PRH1: variants seen among roughly 807,000 people sequenced by gnomAD.
PRH1 encodes the protein salivary acidic proline-rich phosphoprotein 1/2.
A neutral mutation model predicts 7.9 loss-of-function variants in PRH1; 7 were observed. That is an observed-to-expected ratio of 0.89 (90% CI 0.50 to 1.67). The LOEUF (loss-of-function observed/expected upper bound fraction) is 1.67. Among genes scored for constraint, PRH1 ranks in the 40% most tolerant of loss-of-function variants. The probability of loss-of-function intolerance (pLI) is 0.00; values close to 1 mark genes in which losing one functional copy is unlikely to be tolerated. For synonymous variants in PRH1, 45 were observed against 80.8 expected (o/e 0.56, Z 2.38); for missense variants, 109 against 223.6 (o/e 0.49, Z 3.27).
At chr12:10,956,800 C>T (rs1176984240) in intron 2 of PRH1, among the ~76,000 whole-genome samples, 1 of 151,956 alleles carries the variant, frequency 6.6e-6, no homozygotes, top group Non-Finnish European at 1.5e-5. Flanking sequence ...ATCAAGAAGG[C>T]AATCCCTTTC....
chr12:11,144,099 T>G (rs1421700868), intron 1 of PRH1, among the ~76,000 whole-genome samples: 7 of 152,126 alleles, frequency 4.6e-5, no homozygotes, highest in Admixed American at 4.6e-4. Context: ...CCAGAAAGCA[T>G]CAGCTGTAGT....
At chr12:11,041,984 A>C (rs1565585108) in intron 1 of PRH1, among the ~76,000 whole-genome samples, 1 of 152,020 alleles carries the variant, frequency 6.6e-6, no homozygotes, top group East Asian at 1.9e-4. Flanking sequence ...AAACAATACT[A>C]AGAAGGAAAT....
At chr12:10,920,019 T>C (rs750535921) in intron 2 of PRH1, among the ~76,000 whole-genome samples, 52 of 151,922 alleles carry the variant, frequency 3.4e-4, no homozygotes, top group Admixed American at 5.9e-4. Flanking sequence ...CCTGTTTGAT[T>C]CTCTGTGTAG....
intron 1 of PRH1, among the ~76,000 whole-genome samples, chr12:11,060,588 T>A (rs1006092247): frequency 1.4e-4 from 21 of 152,116 alleles, no homozygotes; most frequent in African/African-American, 4.8e-4. Context: ...TAACTACATA[T>A]GGAAACTGAT....
At chr12:10,938,545 G>A (rs374071397) in intron 2 of PRH1, 3 of 1,614,010 alleles carry the variant, frequency 1.9e-6, no homozygotes, top group Non-Finnish European at 2.5e-6. Context: ...TGGTGCTGGC[G>A]TCTCCGGATA....
intron 1 of PRH1, among the ~76,000 whole-genome samples, chr12:11,091,078 T>C (rs1378089754): frequency 1.8e-5 from 1 of 54,654 alleles, no homozygotes; most frequent in Non-Finnish European, 4.5e-5. Flanking sequence ...GTTGTCAATG[T>C]TAAGTTTTCA....
At chr12:10,898,288 C>G (rs1246798617) in intron 2 of PRH1, among the ~76,000 whole-genome samples, 1 of 151,928 alleles carries the variant, frequency 6.6e-6, no homozygotes, top group Non-Finnish European at 1.5e-5. Flanking sequence ...TAATATAGGC[C>G]TAAGAGGAGT....
chr12:11,016,358 A>G (rs908055614), intron 1 of PRH1, among the ~76,000 whole-genome samples: 1 of 152,168 alleles, frequency 6.6e-6, no homozygotes, highest in African/African-American at 2.4e-5. Flanking sequence ...ACCAGACCTC[A>G]CTTTTGTTAA....
Position 11,126,448 on chromosome 12 carries a change from T to C in PRH1, n.40-5268A>G, listed in dbSNP as rs767531783. ...TATTAACATTCTTTATAAACGTCTC[T>C]CTAGTTGGTTCATTTTGATTGCTGT... On this transcript the variant is annotated intron_variant and non_coding_transcript_variant, in intron 1 of 1. Transcript: ENST00000541175. 5.5e-4 allele frequency among the ~76,000 whole-genome samples: 83 copies of C among 152,226 alleles called. 1 individual carries two copies. Among genetic ancestry groups the C allele is most frequent in the Non-Finnish European group, 6.8e-4 (46 of 68,032 alleles).
At chr12:11,077,031 G>T (rs1205193318) in intron 1 of PRH1, 1 of 114,758 alleles carries the variant, frequency 8.7e-6, no homozygotes, top group African/African-American at 2.9e-5. Context: ...ATTTTAAAAA[G>T]AGAAAATAAA....
chr12:11,048,601 A>G (rs1943007497), upstream of PRH1: 4 of 607,214 alleles, frequency 6.6e-6, no homozygotes, highest in East Asian at 1.4e-4. Context: ...CTTGGTGCTG[A>G]GATGTTGAGA....
At chr12:10,897,180 A>G (rs1287386417) in intron 2 of PRH1, among the ~76,000 whole-genome samples, 1 of 152,170 alleles carries the variant, frequency 6.6e-6, no homozygotes, top group Non-Finnish European at 1.5e-5. Flanking sequence ...GCCACATGTC[A>G]CACGTGGCTT....
intron 1 of PRH1, among the ~76,000 whole-genome samples, chr12:11,074,545 G>T (rs1408907186): frequency 1.6e-5 from 2 of 126,996 alleles, no homozygotes; most frequent in African/African-American, 5.5e-5. Flanking sequence ...GAACTTGCCC[G>T]AAGGGACTGT....
intron 1 of PRH1, among the ~76,000 whole-genome samples, chr12:11,143,899 G>A (rs1007387248): frequency 6.6e-6 from 1 of 152,204 alleles, no homozygotes; most frequent in African/African-American, 2.4e-5. Context: ...CTGGCTCCAG[G>A]CTGGTACTGG....
At chr12:11,161,247 T>A (rs968272692) in intron 1 of PRH1, among the ~76,000 whole-genome samples, 9 of 152,190 alleles carry the variant, frequency 5.9e-5, no homozygotes, top group African/African-American at 1.9e-4. Flanking sequence ...TACTCAGACA[T>A]ATCAGTACCA....
At chr12:11,121,966 A>T (rs1188935313) in intron 1 of PRH1, among the ~76,000 whole-genome samples, 1 of 152,232 alleles carries the variant, frequency 6.6e-6, no homozygotes, top group Non-Finnish European at 1.5e-5. Context: ...AATAGAGATA[A>T]TTCTTCAAAT....
chr12:11,019,601 A>C (rs906498064), intron 1 of PRH1, among the ~76,000 whole-genome samples: 1 of 152,296 alleles, frequency 6.6e-6, no homozygotes, highest in Non-Finnish European at 1.5e-5. Flanking sequence ...CAATTTTTAA[A>C]AATGAAATGC....
intron 1 of PRH1, among the ~76,000 whole-genome samples, chr12:11,072,804 G>T (rs1944132848): frequency 8.3e-6 from 1 of 120,680 alleles, no homozygotes; most frequent in South Asian, 2.2e-4. Context: ...TCACCCACGG[G>T]TGGGTCGGGA....
chr12:10,968,442 T>C (rs1010091492), intron 2 of PRH1, among the ~76,000 whole-genome samples: 1 of 152,212 alleles, frequency 6.6e-6, no homozygotes, highest in Non-Finnish European at 1.5e-5. Context: ...ATAGAGATGA[T>C]GATGATAGCT....
Sources: gnomAD v4.1 joint callset for allele counts (sites outside exome capture counted in the v4.1 genomes callset) on GRCh38, gnomAD v4.1.1 for gene constraint, MANE v1.5 for transcripts, NCBI Gene and HGNC (gene_info 2026-07-23, HGNC 2026-07-21) for gene names.